PCSK6: variants seen among roughly 807,000 people sequenced by gnomAD.
The protein encoded by PCSK6 is paired basic amino acid cleaving enzyme 4.
In PCSK6, 85 loss-of-function variants were observed where a neutral mutation model predicts 123.3. That is an observed-to-expected ratio of 0.69 (90% CI 0.58 to 0.83). The LOEUF is 0.83. Ranked by LOEUF, PCSK6 falls within the 40% of genes least tolerant of loss-of-function variation. PCSK6 has a pLI of 0.00. For missense variants in PCSK6, 1,191 were observed against 1,282.3 expected (o/e 0.93, Z 1.09); for synonymous variants, 508 against 516.0 (o/e 0.98, Z 0.21).
intron 1 of PCSK6, among the ~76,000 whole-genome samples, chr15:101,470,789 G>A (rs1982907): frequency 0.6 from 91,703 of 151,992 alleles, 28,427 homozygotes; most frequent in Non-Finnish European, 0.68. Context: ...CATCCCCGGG[G>A]TTACACAGGA....
chr15:101,324,780 G>C, intron 17 of PCSK6, 70 bp downstream of exon 17: 7 of 1,309,078 alleles, frequency 5.3e-6, no homozygotes, highest in Non-Finnish European at 7.5e-6. Flanking sequence ...ATTCTCCCTG[G>C]AGAGAGGACA....
intron 19 of PCSK6, 67 bp downstream of exon 19, chr15:101,318,252 G>C: frequency 8.5e-7 from 1 of 1,179,178 alleles, no homozygotes; most frequent in Admixed American, 2.1e-5. Context: ...GGGCTTTCTC[G>C]GGTTCAAGGC....
intron 6 of PCSK6, among the ~76,000 whole-genome samples, chr15:101,416,357 T>C (rs538611940): frequency 2.0e-5 from 3 of 152,322 alleles, no homozygotes; most frequent in East Asian, 3.9e-4. Flanking sequence ...AATTTCTAAG[T>C]AGCAAAGCAT....
At chr15:101,449,020 C>T (rs2056964582) in intron 1 of PCSK6, among the ~76,000 whole-genome samples, 1 of 151,720 alleles carries the variant, frequency 6.6e-6, no homozygotes, top group Non-Finnish European at 1.5e-5. Flanking sequence ...TGTGTGTGTG[C>T]ATATGTATAT....
intron 13 of PCSK6, among the ~76,000 whole-genome samples, chr15:101,340,257 A>G (rs1260524601): frequency 1.3e-5 from 2 of 152,122 alleles, no homozygotes; most frequent in Non-Finnish European, 2.9e-5. Flanking sequence ...GAACTCTCAG[A>G]CCCAGGCTAA....
At chr15:101,430,207 C>T (rs938613631) in intron 4 of PCSK6, 144 bp from the exon 5 acceptor site, 3 of 668,632 alleles carry the variant, frequency 4.5e-6, no homozygotes, top group African/African-American at 3.6e-5. Flanking sequence ...ACGTTTTTAT[C>T]GTGGTAAAAT....
Position 101,431,303 on chromosome 15 carries a change from T to A in PCSK6, c.657+17A>T. On this transcript the variant is annotated intron_variant, in intron 4 of 21. Transcript: ENST00000611716. ...CAGTTGAATATATTTGCATGTCAGT[T>A]CCGAGGATTGACTTACATAATTTGG... The A allele has an allele frequency of 6.2e-7, 1 of 1,613,626 alleles. No individual in the cohort carries two copies. The highest frequency in any genetic ancestry group is 1.1e-5 in the South Asian group (1 of 91,074).
intron 6 of PCSK6, 97 bp downstream of exon 6, chr15:101,427,795 C>A: frequency 3.0e-6 from 3 of 989,192 alleles, no homozygotes; most frequent in Non-Finnish European, 3.0e-6. Flanking sequence ...ATGGCCAAAG[C>A]CAAAAAACAG....
intron 11 of PCSK6, among the ~76,000 whole-genome samples, chr15:101,371,739 G>A (rs923598057): frequency 2.0e-5 from 3 of 152,172 alleles, no homozygotes; most frequent in South Asian, 2.1e-4. Context: ...TCCAGGCCTC[G>A]CTGCCTCGAA....
At chr15:101,481,312 G>A (rs1055813850) in intron 1 of PCSK6, among the ~76,000 whole-genome samples, 3 of 126,754 alleles carry the variant, frequency 2.4e-5, no homozygotes, top group Non-Finnish European at 3.6e-5. Flanking sequence ...AGGCTGAGGG[G>A]CGAATCTGGT....
chr15:101,431,449 C>T lies in PCSK6; in HGVS notation c.528G>A (p.Lys176=), dbSNP rs777382569. The T allele has an allele frequency of 1.7e-5, 27 of 1,613,630 alleles. No individual in the cohort carries two copies. Among genetic ancestry groups the T allele is most frequent in the Non-Finnish European group, 2.2e-5 (26 of 1,179,816 alleles). Residue 176 remains lysine, a synonymous_variant, in exon 4 of 22, where the codon AAG becomes AAA. Coordinates refer to ENST00000611716, the MANE Select transcript of PCSK6 (RefSeq NM_002570.5). ...SNMWYLHCGD[K]NSRCRSEMNV... Reference sequence around the variant, plus strand: ...TCATTTCCGACCGGCAGCGACTGTTCTTGTCGCCACAATGCTGTAAGCACG... The same window carrying T: ...TCATTTCCGACCGGCAGCGACTGTTTTTGTCGCCACAATGCTGTAAGCACG...
At chr15:101,458,637 C>A (rs561530986) in intron 1 of PCSK6, among the ~76,000 whole-genome samples, 8 of 152,224 alleles carry the variant, frequency 5.3e-5, no homozygotes, top group Non-Finnish European at 4.4e-5. Flanking sequence ...CGAAGCGCGA[C>A]TGACGGTCCC....
At chr15:101,395,804 C>T (rs71416208) in intron 7 of PCSK6, among the ~76,000 whole-genome samples, 1,538 of 152,310 alleles carry the variant, frequency 0.01, 15 homozygotes, top group South Asian at 0.037. Flanking sequence ...CCAGCAAACA[C>T]CGGCCACCTG....
chr15:101,332,433 C>A (rs1349842844), intron 13 of PCSK6, among the ~76,000 whole-genome samples: 2 of 152,212 alleles, frequency 1.3e-5, no homozygotes, highest in Non-Finnish European at 2.9e-5. Flanking sequence ...GTGGGTAAAT[C>A]TGGTGCCAGG....
At chr15:101,387,182 T>C (rs1408982037) in intron 9 of PCSK6, among the ~76,000 whole-genome samples, 2 of 152,224 alleles carry the variant, frequency 1.3e-5, no homozygotes, top group African/African-American at 4.8e-5. Context: ...TCCTCCTGCA[T>C]CCACTGGCCT....
chr15:101,451,199 A>G (rs2057025378), intron 1 of PCSK6, among the ~76,000 whole-genome samples: 1 of 151,976 alleles, frequency 6.6e-6, no homozygotes, highest in Non-Finnish European at 1.5e-5. Flanking sequence ...ATCCTGAGGA[A>G]TGGAGGAGGA....
chr15:101,442,595 G>T (rs888657976), intron 2 of PCSK6, among the ~76,000 whole-genome samples: 2 of 152,114 alleles, frequency 1.3e-5, no homozygotes, highest in Non-Finnish European at 2.9e-5. Context: ...GCAACACCAA[G>T]AACCCATTTT....
rs2058090575 is a variant in PCSK6, at chr15:101,489,024, T to A, written c.297+350A>T. Among the ~76,000 whole-genome samples, 3 of 148,960 alleles carry A rather than the reference T, an allele frequency of 2.0e-5. No homozygotes were observed. The South Asian group carries it at 6.3e-4, about 31-fold the overall frequency. On this transcript the variant is annotated intron_variant, in intron 1 of 21. Transcript: ENST00000611716. Reference sequence around the variant, plus strand: ...GCGCGACGCCTGAGGCAGCCCAGACTCCCCCGGAGCCCGGCAGGTGTCCGC... The same window carrying A: ...GCGCGACGCCTGAGGCAGCCCAGACACCCCCGGAGCCCGGCAGGTGTCCGC...
chr15:101,457,640 T>G (rs1047723986), intron 1 of PCSK6, among the ~76,000 whole-genome samples: 1 of 152,206 alleles, frequency 6.6e-6, no homozygotes, highest in Non-Finnish European at 1.5e-5. Flanking sequence ...CAGTGGCCCC[T>G]GTGGGGAAGA....
Sources: gnomAD v4.1 joint callset for allele counts (sites outside exome capture counted in the v4.1 genomes callset) on GRCh38, gnomAD v4.1.1 for gene constraint, MANE v1.5 for transcripts, NCBI Gene and HGNC (gene_info 2026-07-23, HGNC 2026-07-21) for gene names.